Variants in SZRD1 observed in about 807,000 individuals in gnomAD.
The protein encoded by SZRD1 is SUZ RNA-binding domain-containing.
Under a neutral mutation model 17.6 loss-of-function variants are expected in SZRD1, and 7 were observed. The observed-to-expected ratio is 0.40, with a 90% confidence interval of 0.23 to 0.75. SZRD1 has a LOEUF of 0.75. SZRD1 is among the 30% of genes least tolerant of loss of function. The pLI is 0.38. For missense variants in SZRD1, 178 were observed against 201.8 expected (o/e 0.88, Z 0.71); for synonymous variants, 77 against 77.9 (o/e 0.99, Z 0.06).
At chr1:16,389,520 C>A (rs1040449959) in intron 1 of SZRD1, among the ~76,000 whole-genome samples, 1 of 151,270 alleles carries the variant, frequency 6.6e-6, no homozygotes, top group African/African-American at 2.4e-5. Context: ...ACTGTGTTAG[C>A]CAGGATGGTC....
chr1:16,388,372 C>A (rs1242533626), intron 1 of SZRD1, among the ~76,000 whole-genome samples: 2 of 151,824 alleles, frequency 1.3e-5, no homozygotes, highest in Non-Finnish European at 2.9e-5. Context: ...AGTCAAAGTG[C>A]TAGGATTGTA....
At chr1:16,383,400 T>C (rs927761885) in intron 1 of SZRD1, among the ~76,000 whole-genome samples, 1 of 151,796 alleles carries the variant, frequency 6.6e-6, no homozygotes. Flanking sequence ...TTTTATTTTT[T>C]GTAGAGTTGA....
intron 1 of SZRD1, among the ~76,000 whole-genome samples, chr1:16,388,338 G>A (rs900378429): frequency 6.6e-6 from 1 of 152,066 alleles, no homozygotes; most frequent in African/African-American, 2.4e-5. Context: ...GACCTCAAGT[G>A]ATTCACCCAC....
chr1:16,373,880 G>A (rs1396345322), intron 1 of SZRD1, among the ~76,000 whole-genome samples: 2 of 152,168 alleles, frequency 1.3e-5, no homozygotes, highest in Non-Finnish European at 2.9e-5. Flanking sequence ...TGGGATTGCA[G>A]GCGTGAGCCA....
At position 16,394,439 on chromosome 1, in the gene SZRD1, T is replaced by G. The variant is rs115363470; in HGVS notation, c.357-599T>G. ...TCTGCGGAGCATGTGCTATCCATGG[T>G]CACTGCCTCTGGGCAGAGTGGGCCC... On this transcript the variant is annotated intron_variant, in intron 3 of 3. Coordinates refer to ENST00000401088, the MANE Select transcript of SZRD1 (RefSeq NM_001114600.3). Among the ~76,000 whole-genome samples, 1,255 of 152,282 alleles carry G rather than the reference T, an allele frequency of 8.2e-3. 11 individuals carry two copies. The highest frequency in any genetic ancestry group is 0.029 in the African/African-American group (1,194 of 41,562).
Position 16,391,475 on chromosome 1 carries a change from C to T in SZRD1, c.101+51C>T, listed in dbSNP as rs1305146290. 1.7e-5 allele frequency: 25 copies of T among 1,466,344 alleles called. No individual in the cohort carries two copies. The highest frequency in any genetic ancestry group is 2.4e-4 in the Middle Eastern group (1 of 4,206). 90.8% of individuals were successfully genotyped at this position (1,466,344 alleles called of 1,614,324 possible). A position where few individuals can be genotyped will look rare whatever the true frequency, so the allele number is the denominator to read the frequency against. On this transcript the variant is annotated intron_variant, in intron 2 of 3. Transcript: ENST00000401088. This position sits in a 1 kb window ranked among gnomAD's most constrained non-coding sequence, Gnocchi z 4.3. ...CTCATGCTCTCTGTGGTTTGAGAGC[C>T]GGGCAGTCAGTGGTGTTCTCCAGCT...
Position 16,391,497 on chromosome 1 carries a change from A to G in SZRD1, c.101+73A>G. ...AGCCGGGCAGTCAGTGGTGTTCTCCAGCTGGCCATTAGGATTAGCAGGTCC... is the reference window on the plus strand; with the variant it reads ...AGCCGGGCAGTCAGTGGTGTTCTCCGGCTGGCCATTAGGATTAGCAGGTCC... On this transcript the variant is annotated intron_variant, in intron 2 of 3. Coordinates refer to ENST00000401088, the MANE Select transcript of SZRD1 (RefSeq NM_001114600.3). The surrounding 1 kb of genome is among the most constrained non-coding windows in gnomAD (Gnocchi z 4.3). 7.6e-7 allele frequency: 1 copy of G among 1,320,968 alleles called. No homozygotes were observed. Among genetic ancestry groups the G allele is most frequent in the Non-Finnish European group, 1.1e-6 (1 of 944,446 alleles). 81.8% of individuals were successfully genotyped at this position (1,320,968 alleles called of 1,614,324 possible). A position where few individuals can be genotyped will look rare whatever the true frequency, so the allele number is the denominator to read the frequency against.
intron 1 of SZRD1, among the ~76,000 whole-genome samples, chr1:16,380,301 G>A (rs559818667): frequency 2.6e-5 from 4 of 151,196 alleles, no homozygotes; most frequent in Non-Finnish European, 4.4e-5. Flanking sequence ...ATAGAGAGAC[G>A]CTCGTCTCTT....
Position 16,391,307 on chromosome 1 carries a change from A to C in SZRD1, c.52-68A>C. ...AGAAAGGACACTGCCCTTAGCTCCA[A>C]AAATAAAGACTAAGTTTTTATTTGA... is the stretch of plus-strand genomic sequence containing the variant. On this transcript the variant is annotated intron_variant, in intron 1 of 3. Coordinates refer to ENST00000401088, the MANE Select transcript of SZRD1 (RefSeq NM_001114600.3). The surrounding 1 kb of genome is among the most constrained non-coding windows in gnomAD (Gnocchi z 4.3). The C allele has an allele frequency of 8.8e-6, 11 of 1,245,862 alleles. No individual in the cohort carries two copies. The highest frequency in any genetic ancestry group is 1.3e-5 in the Non-Finnish European group (11 of 873,706). 77.2% of individuals were successfully genotyped at this position (1,245,862 alleles called of 1,614,324 possible).
chr1:16,392,810 C>T (rs1447147952), intron 2 of SZRD1, among the ~76,000 whole-genome samples: 1 of 152,178 alleles, frequency 6.6e-6, no homozygotes, highest in Non-Finnish European at 1.5e-5. Flanking sequence ...CCCCCAAGTT[C>T]AAAGGCTCCC....
chr1:16,373,231 G>GT lies in SZRD1; in HGVS notation c.51+5939dup, dbSNP rs35547196. ...TCCTGAAAGTGCAAGGAGCTTTGAAGTTTTTTTTTTTTTTTTAAGCAGAAG... is the reference window on the plus strand; with the variant it reads ...TCCTGAAAGTGCAAGGAGCTTTGAAGTTTTTTTTTTTTTTTTTAAGCAGAAG... On this transcript the variant is annotated intron_variant, in intron 1 of 3. Coordinates refer to ENST00000401088, the MANE Select transcript of SZRD1 (RefSeq NM_001114600.3). Among the ~76,000 whole-genome samples, 770 of 143,610 alleles carry GT rather than the reference G, an allele frequency of 5.4e-3. 4 individuals carry two copies. Among genetic ancestry groups the GT allele is most frequent in the South Asian group, 0.018 (83 of 4,500 alleles). 94.2% of individuals were successfully genotyped at this position (143,610 alleles called of 152,430 possible).
chr1:16,386,207 GCTTGTGCCCTAGCACTTGC>G (rs1181897418), intron 1 of SZRD1, among the ~76,000 whole-genome samples: 2 of 152,240 alleles, frequency 1.3e-5, no homozygotes, highest in Non-Finnish European at 2.9e-5. Context: ...TGTGTGGTAT[GCTTGTGCCCTAGCACTTGC>G]CTTGTGCCCA....
intron 1 of SZRD1, among the ~76,000 whole-genome samples, chr1:16,373,575 G>A (rs182470087): frequency 0.018 from 2,464 of 137,282 alleles, 76 homozygotes; most frequent in African/African-American, 0.064. Flanking sequence ...GTGGAACTCC[G>A]TCTCAAAAAA....
chr1:16,376,565 G>C lies in SZRD1; in HGVS notation c.51+9257G>C, dbSNP rs189623077. On this transcript the variant is annotated intron_variant, in intron 1 of 3. Transcript: ENST00000401088. ...TCACGCCTGTAATCCCAGCACTTTG[G>C]GGGGCCGAGGCAGGCGGATCACTTG... Among the ~76,000 whole-genome samples the C allele has an allele frequency of 4.4e-3, 675 of 152,232 alleles. 5 individuals carry two copies. Among genetic ancestry groups the C allele is most frequent in the African/African-American group, 0.016 (648 of 41,532 alleles).
At chr1:16,378,795 C>T (rs902127764) in intron 1 of SZRD1, among the ~76,000 whole-genome samples, 10 of 150,528 alleles carry the variant, frequency 6.6e-5, no homozygotes, top group Non-Finnish European at 8.9e-5. Flanking sequence ...GGTGCAGTCT[C>T]GGCTCATTAC....
At chr1:16,387,202 C>CTAAAA in intron 1 of SZRD1, 5 of 427,718 alleles carry the variant, frequency 1.2e-5, no homozygotes, top group Non-Finnish European at 2.3e-5. Flanking sequence ...GACAGAGGCG[C>CTAAAA]ATTTACTCAG....
chr1:16,384,770 CT>C (rs2083160789), intron 1 of SZRD1, among the ~76,000 whole-genome samples: 1 of 152,146 alleles, frequency 6.6e-6, no homozygotes, highest in Non-Finnish European at 1.5e-5. Flanking sequence ...TTGCCCTTTG[CT>C]TTTTGTGTTA....
At chr1:16,368,669 G>A (rs1557619399) in intron 1 of SZRD1, among the ~76,000 whole-genome samples, 2 of 152,146 alleles carry the variant, frequency 1.3e-5, no homozygotes, top group East Asian at 3.8e-4. Context: ...ATTTTTGAGT[G>A]TCTGCTATAT....
chr1:16,393,332 A>G lies in SZRD1; in HGVS notation c.206A>G (p.Asn69Ser). 1 of 1,614,180 alleles carries G rather than the reference A, an allele frequency of 6.2e-7. No individual in the cohort carries two copies. The highest frequency in any genetic ancestry group is 1.1e-5 in the South Asian group (1 of 91,082). ...CGCATCCTCAAGAGGCCCACCAGCA[A>G]CGGTGTGGTCAGCAGCCCCAACTCC... ...QIRILKRPTSNGVVSSPNSTS... is the reference protein window; with the variant it reads ...QIRILKRPTSSGVVSSPNSTS... Residue 69 changes from asparagine (N) to serine (S), a missense_variant, in exon 3 of 4, where the codon AAC becomes AGC. Physicochemically the swap from Asn to Ser is conservative, Grantham distance 46. Around this residue, in one of 3 missense-constraint regions of SZRD1, gnomAD observed 117 missense variants for 108.7 expected, o/e 1.08. Transcript: ENST00000401088. This position sits in a 1 kb window ranked among gnomAD's most constrained non-coding sequence, Gnocchi z 5.6.
Sources: gnomAD v4.1 joint callset for allele counts (sites outside exome capture counted in the v4.1 genomes callset) on GRCh38, gnomAD v4.1.1 for gene constraint, gnomAD v4.1.1 regional missense constraint, Gnocchi (gnomAD v3.1) non-coding constraint, MANE v1.5 for transcripts, NCBI Gene and HGNC (gene_info 2026-07-23, HGNC 2026-07-21) for gene names.